The following KCNG2 variants were observed in gnomAD, a reference collection of about 807,000 sequenced individuals.
KCNG2 encodes the protein potassium voltage-gated channel modifier subfamily G member 2, also known as voltage-gated potassium channel regulatory subunit KCNG2.
KCNG2 carries 7 observed loss-of-function variants against 12.3 expected under a neutral mutation model. The observed-to-expected ratio is 0.57, with a 90% confidence interval of 0.32 to 1.07. The LOEUF is 1.07. Among genes scored for constraint, KCNG2 ranks in the 50% least tolerant of loss-of-function variants. KCNG2 has a pLI of 0.04. For synonymous variants in KCNG2, 414 were observed against 351.4 expected (o/e 1.18, Z -1.99); for missense variants, 703 against 726.0 (o/e 0.97, Z 0.36).
intron 1 of KCNG2, among the ~76,000 whole-genome samples, chr18:79,852,768 G>A (rs1253726761): frequency 1.3e-5 from 2 of 152,240 alleles, no homozygotes; most frequent in African/African-American, 2.4e-5. Flanking sequence ...GGGCGGAGCC[G>A]TAATTAAAGT....
Position 79,864,304 on chromosome 18 carries a change from G to A in KCNG2, c.624+13G>A, listed in dbSNP as rs1472886425. 3.3e-6 allele frequency: 5 copies of A among 1,511,496 alleles called. No individual in the cohort carries two copies. The highest frequency in any genetic ancestry group is 2.3e-4 in the Middle Eastern group (1 of 4,302). 93.6% of individuals were successfully genotyped at this position (1,511,496 alleles called of 1,614,324 possible). A position where few individuals can be genotyped will look rare whatever the true frequency, so the allele number is the denominator to read the frequency against. ...CGAGGAGGAGCGGGTGAGCGCGGCC[G>A]GGGGTGGCGGGGACCGGGCCGGAGC... On this transcript the variant is annotated intron_variant, in intron 3 of 3. Transcript: ENST00000316249.
At chr18:79,888,844 T>TTC (rs1055837006) in intron 3 of KCNG2, among the ~76,000 whole-genome samples, 5 of 152,150 alleles carry the variant, frequency 3.3e-5, no homozygotes, top group African/African-American at 1.2e-4. Flanking sequence ...CCAGCTATTT[T>TTC]TTTTTTGTAT....
chr18:79,829,807 CT>C (rs1447239517), intron 1 of KCNG2, among the ~76,000 whole-genome samples: 2 of 152,210 alleles, frequency 1.3e-5, no homozygotes, highest in African/African-American at 4.8e-5. Flanking sequence ...AGACAGGGGC[CT>C]TGTGTCTGAG....
At position 79,899,425 on chromosome 18, in the gene KCNG2, C is replaced by A; in HGVS notation, c.1010C>A (p.Ala337Glu). ...CTCTGCGTGGCCATGGCGCTCTTCG[C>A]GCCACTGGTGCACCTGGCCGAGCGC... is the stretch of plus-strand genomic sequence containing the variant. ...LFLCVAMALF[A>E]PLVHLAEREL... The change falls in exon 4 of 4, where the codon GCG (alanine) becomes GAG (glutamate). Residue 337 changes from alanine to glutamate, a missense_variant. Physicochemically the swap from Ala to Glu is moderately radical, Grantham distance 107 (BLOSUM62 -1). Coordinates refer to ENST00000316249, the MANE Select transcript of KCNG2 (RefSeq NM_012283.2). The A allele has an allele frequency of 6.3e-7, 1 of 1,590,464 alleles. No homozygotes were observed. The highest frequency in any genetic ancestry group is 8.5e-7 in the Non-Finnish European group (1 of 1,171,952).
chr18:79,810,788 G>C (rs532723865), intron 1 of KCNG2, among the ~76,000 whole-genome samples: 1 of 152,044 alleles, frequency 6.6e-6, no homozygotes, highest in South Asian at 2.1e-4. Context: ...ACCAAAAAAC[G>C]TAGAAAAAAA....
intron 3 of KCNG2, among the ~76,000 whole-genome samples, chr18:79,867,525 C>CT (rs1317551485): frequency 1.5e-5 from 1 of 64,750 alleles, no homozygotes; most frequent in Non-Finnish European, 2.7e-5. Context: ...TGTGTCGTGT[C>CT]TGGGGGGGGA....
intron 3 of KCNG2, among the ~76,000 whole-genome samples, chr18:79,874,825 G>A (rs1026397512): frequency 2.0e-5 from 3 of 152,222 alleles, no homozygotes; most frequent in Non-Finnish European, 4.4e-5. Flanking sequence ...CCACGGTCAC[G>A]TGTGCTCCTG....
rs570816573 is a variant in KCNG2, at chr18:79,889,919, G to A, written c.625-9121G>A. On this transcript the variant is annotated intron_variant, in intron 3 of 3. Coordinates refer to ENST00000316249, the MANE Select transcript of KCNG2 (RefSeq NM_012283.2). The stretch of plus-strand genomic sequence containing the variant: ...GGTTTCCTGCTTGTTGAGTGTTTCT[G>A]TCATGAAAAGATGTTGTATTTTGTC... 5.9e-5 allele frequency among the ~76,000 whole-genome samples: 9 copies of A among 152,302 alleles called. No individual in the cohort carries two copies. In the East Asian group the frequency reaches 1.7e-3, roughly 29 times the overall value.
chr18:79,802,931 C>G (rs2087422458), intron 1 of KCNG2, among the ~76,000 whole-genome samples: 1 of 152,212 alleles, frequency 6.6e-6, no homozygotes, highest in South Asian at 2.1e-4. Context: ...GTAATCCCAG[C>G]ATTTTGGGAG....
Position 79,802,439 on chromosome 18 carries a change from G to A in KCNG2, c.-115+4425G>A, listed in dbSNP as rs556412929. 9.9e-5 allele frequency among the ~76,000 whole-genome samples: 15 copies of A among 151,872 alleles called. No individual in the cohort carries two copies. In the South Asian group the frequency reaches 1.0e-3, roughly 11 times the overall value. Reference sequence around the variant, plus strand: ...CCTGGCCTTGACACCTGTCCCAGCCGTGCCGCTCCGGTCCGGAGAGCCTGG... The same window carrying A: ...CCTGGCCTTGACACCTGTCCCAGCCATGCCGCTCCGGTCCGGAGAGCCTGG... On this transcript the variant is annotated intron_variant, in intron 1 of 3. Transcript: ENST00000316249.
intron 1 of KCNG2, among the ~76,000 whole-genome samples, chr18:79,823,857 T>TCTC (rs1256354205): frequency 6.6e-6 from 1 of 152,236 alleles, no homozygotes; most frequent in Non-Finnish European, 1.5e-5. Flanking sequence ...CAGCGCCAAG[T>TCTC]CTCCTGTCCA....
rs550778250 is a variant in KCNG2, at chr18:79,840,729, G to A, written c.-114-15650G>A. ...TAATAATTGACACTTTGTGGTATTG[G>A]TGGAGGGATATGTACATAGATCAGT... On this transcript the variant is annotated intron_variant, in intron 1 of 3. Transcript: ENST00000316249. Among the ~76,000 whole-genome samples the A allele has an allele frequency of 5.9e-5, 9 of 152,176 alleles. 1 individual carries two copies. The highest frequency in any genetic ancestry group is 8.8e-5 in the Non-Finnish European group (6 of 68,030).
chr18:79,887,847 G>A (rs143989673), intron 3 of KCNG2, among the ~76,000 whole-genome samples: 11 of 152,290 alleles, frequency 7.2e-5, no homozygotes, highest in African/African-American at 2.4e-4. Flanking sequence ...AGGGATCCAC[G>A]CAGCAGCCCA....
At chr18:79,804,675 T>G (rs1346575301) in intron 1 of KCNG2, among the ~76,000 whole-genome samples, 1 of 152,232 alleles carries the variant, frequency 6.6e-6, no homozygotes, top group African/African-American at 2.4e-5. Context: ...CCAAAGGGAA[T>G]GTGGCATCAA....
chr18:79,799,258 G>A (rs2087388977), intron 1 of KCNG2, among the ~76,000 whole-genome samples: 1 of 152,216 alleles, frequency 6.6e-6, no homozygotes, highest in Admixed American at 6.5e-5. Flanking sequence ...ACAGGGGCAC[G>A]GACTCAGCCC....
At chr18:79,871,027 A>G (rs1002560272) in intron 3 of KCNG2, among the ~76,000 whole-genome samples, 2 of 152,048 alleles carry the variant, frequency 1.3e-5, no homozygotes, top group African/African-American at 4.8e-5. Flanking sequence ...CTGAGTTCCA[A>G]TCCAAAGACC....
chr18:79,827,466 G>A (rs538662147), intron 1 of KCNG2, among the ~76,000 whole-genome samples: 33 of 152,334 alleles, frequency 2.2e-4, no homozygotes, highest in South Asian at 2.1e-3. Flanking sequence ...GCAGGGCCTG[G>A]GGACTGGTAG....
chr18:79,842,289 G>A (rs1978483716), intron 1 of KCNG2, among the ~76,000 whole-genome samples: 1 of 152,196 alleles, frequency 6.6e-6, no homozygotes, highest in South Asian at 2.1e-4. Context: ...ACCTGCCTGA[G>A]GACTCCAGCA....
chr18:79,840,357 C>A (rs1356447793), intron 1 of KCNG2, among the ~76,000 whole-genome samples: 1 of 152,076 alleles, frequency 6.6e-6, no homozygotes, highest in Non-Finnish European at 1.5e-5. Flanking sequence ...GAATATAATA[C>A]CCTTTACAAT....
Sources: allele counts gnomAD v4.1 joint callset (sites outside exome capture counted in the v4.1 genomes callset), GRCh38; gene constraint gnomAD v4.1.1; transcripts MANE v1.5; gene names NCBI Gene and HGNC (gene_info 2026-07-23, HGNC 2026-07-21).